The following NSRP1 variants were observed in gnomAD, a reference collection of about 807,000 sequenced individuals.
The protein encoded by NSRP1 is coiled-coil domain containing 55.
Under a neutral mutation model 54.7 loss-of-function variants are expected in NSRP1, and 24 were observed. The ratio of observed to expected loss-of-function variants is 0.44; its 90% CI spans 0.32 to 0.62. The LOEUF is 0.62. NSRP1 is among the 20% of genes least tolerant of loss of function. The pLI, the probability that NSRP1 is intolerant of heterozygous loss-of-function variation, is 0.06. For missense variants in NSRP1, 596 were observed against 651.2 expected (o/e 0.92, Z 0.92); for synonymous variants, 210 against 213.8 (o/e 0.98, Z 0.15).
intron 2 of NSRP1, among the ~76,000 whole-genome samples, chr17:30,129,736 A>T (rs2071682967): frequency 6.6e-6 from 1 of 152,182 alleles, no homozygotes; most frequent in Admixed American, 6.6e-5. Context: ...TTAATCAGAT[A>T]ATGCCTTACT....
At chr17:30,176,191 A>G (rs1425028384) in intron 3 of NSRP1, among the ~76,000 whole-genome samples, 1 of 151,368 alleles carries the variant, frequency 6.6e-6, no homozygotes, top group African/African-American at 2.4e-5. Context: ...GGATTTGTCT[A>G]TTTTTCCTTG....
chr17:30,148,420 A>T (rs1172515375), intron 2 of NSRP1, among the ~76,000 whole-genome samples: 1 of 152,204 alleles, frequency 6.6e-6, no homozygotes, highest in Non-Finnish European at 1.5e-5. Flanking sequence ...GAGGTGACAA[A>T]TGACATATTG....
intron 2 of NSRP1, among the ~76,000 whole-genome samples, chr17:30,155,866 GTC>G (rs1216643172): frequency 6.6e-6 from 1 of 151,656 alleles, no homozygotes; most frequent in Non-Finnish European, 1.5e-5. Context: ...TTGAGATGGA[GTC>G]TCAGTCTGTC....
At chr17:30,181,992 C>T (rs1367975074) in intron 6 of NSRP1, among the ~76,000 whole-genome samples, 2 of 150,204 alleles carry the variant, frequency 1.3e-5, no homozygotes, top group Non-Finnish European at 3.0e-5. Context: ...GATCCCCCCT[C>T]TATCTCAGCC....
At position 30,175,349 on chromosome 17, in the gene NSRP1, C is replaced by G. The variant is rs145546330; in HGVS notation, c.172-2722C>G. Among the ~76,000 whole-genome samples, 560 of 151,804 alleles carry G rather than the reference C, an allele frequency of 3.7e-3. 4 individuals are homozygous for G. The highest frequency in any genetic ancestry group is 0.028 in the Middle Eastern group (8 of 286). On this transcript the variant is annotated intron_variant, in intron 3 of 6. Transcript: ENST00000247026. ...GAACATAACGGAGGTTTTTGATTACCTTTTTGTTATTCATTCCTAATGTGA... is the reference window on the plus strand; with the variant it reads ...GAACATAACGGAGGTTTTTGATTACGTTTTTGTTATTCATTCCTAATGTGA...
chr17:30,122,997 T>C (rs28792710), intron 2 of NSRP1, among the ~76,000 whole-genome samples: 75,400 of 151,688 alleles, frequency 0.5, 19,275 homozygotes, highest in East Asian at 0.82. Flanking sequence ...ATTGGCCAGG[T>C]TGGTCTTGAA....
intron 2 of NSRP1, among the ~76,000 whole-genome samples, chr17:30,123,517 G>C (rs528484964): frequency 1.3e-5 from 2 of 152,208 alleles, no homozygotes; most frequent in African/African-American, 4.8e-5. Flanking sequence ...CCTGTTCTGT[G>C]GGTTGTCTGT....
chr17:30,181,796 G>C (rs1567808249), intron 6 of NSRP1, among the ~76,000 whole-genome samples: 1 of 151,968 alleles, frequency 6.6e-6, no homozygotes, highest in African/African-American at 2.4e-5. Flanking sequence ...TTTTAGTAGA[G>C]ATGGAGTTTC....
At chr17:30,135,042 A>G (rs1340801287) in intron 2 of NSRP1, among the ~76,000 whole-genome samples, 3 of 152,108 alleles carry the variant, frequency 2.0e-5, no homozygotes, top group Admixed American at 6.6e-5. Flanking sequence ...AGGGTTTTCA[A>G]TGGGTATGCT....
intron 2 of NSRP1, among the ~76,000 whole-genome samples, chr17:30,135,282 C>T (rs1002015098): frequency 1.3e-5 from 2 of 151,612 alleles, no homozygotes; most frequent in Admixed American, 6.6e-5. Flanking sequence ...CCATGCCCAG[C>T]TAATTTTTGT....
chr17:30,142,875 A>G (rs1365906734), intron 2 of NSRP1, among the ~76,000 whole-genome samples: 1 of 152,202 alleles, frequency 6.6e-6, no homozygotes, highest in Non-Finnish European at 1.5e-5. Flanking sequence ...ACGTACCATT[A>G]TATTAGAAAA....
At chr17:30,176,563 T>A (rs1349802791) in intron 3 of NSRP1, among the ~76,000 whole-genome samples, 1 of 142,920 alleles carries the variant, frequency 7.0e-6, no homozygotes, top group Admixed American at 7.3e-5. Context: ...CGAGCCAAGA[T>A]CCTACCACTG....
chr17:30,141,294 T>A (rs1290007431), intron 2 of NSRP1, among the ~76,000 whole-genome samples: 1 of 152,214 alleles, frequency 6.6e-6, no homozygotes, highest in African/African-American at 2.4e-5. Context: ...CAGTGCTGCA[T>A]TGAGTGCATG....
intron 2 of NSRP1, among the ~76,000 whole-genome samples, chr17:30,127,124 A>C (rs1294055517): frequency 6.6e-6 from 1 of 152,220 alleles, no homozygotes; most frequent in Non-Finnish European, 1.5e-5. Context: ...ATAGCCTACA[A>C]CTTGCTGACC....
chr17:30,181,145 TA>T lies in NSRP1; in HGVS notation c.617+131del, dbSNP rs1905278551. ...TATTGTGTTGTCAGCCAGCCTTACC[TA>T]ACTGAATGAATGGCTAGAAATTTGC... is the stretch of plus-strand genomic sequence containing the variant. On this transcript the variant is annotated intron_variant, in intron 6 of 6. Transcript: ENST00000247026. 5 of 646,788 alleles carry T rather than the reference TA, an allele frequency of 7.7e-6. No individual in the cohort carries two copies. The Admixed American group carries it at 1.4e-4, about 18-fold the overall frequency. 40.1% of individuals were successfully genotyped at this position (646,788 alleles called of 1,614,324 possible).
In NSRP1 at chr17:30,172,525, A is replaced by G. The variant is rs1904989686; in HGVS notation, c.115-17A>G. 1.9e-6 allele frequency: 3 copies of G among 1,590,528 alleles called. No homozygotes were observed. Among genetic ancestry groups the G allele is most frequent in the Non-Finnish European group, 2.6e-6 (3 of 1,168,338 alleles). On this transcript the variant is annotated splice_polypyrimidine_tract_variant and intron_variant, in intron 2 of 6. Transcript: ENST00000247026. ...TTAAATTTGTTTAAAAAGTGACAAT[A>G]TATTTCTGTTTTACAGACCTCTGTG...
intron 2 of NSRP1, among the ~76,000 whole-genome samples, chr17:30,126,962 T>G (rs1022479986): frequency 9.2e-5 from 14 of 152,228 alleles, no homozygotes; most frequent in Admixed American, 8.5e-4. Context: ...AAGATCCAGA[T>G]AGTAAATGTT....
intron 3 of NSRP1, among the ~76,000 whole-genome samples, chr17:30,176,152 G>A (rs1905120233): frequency 6.6e-6 from 1 of 151,484 alleles, no homozygotes; most frequent in Non-Finnish European, 1.5e-5. Flanking sequence ...TTACTGAGAG[G>A]CATATGTTAA....
At chr17:30,173,638 G>A (rs1176880997) in intron 3 of NSRP1, among the ~76,000 whole-genome samples, 1 of 152,144 alleles carries the variant, frequency 6.6e-6, no homozygotes, top group Non-Finnish European at 1.5e-5. Context: ...TATGTGCCAG[G>A]CATCATGACA....
Sources: gnomAD v4.1 joint callset for allele counts (sites outside exome capture counted in the v4.1 genomes callset) on GRCh38, gnomAD v4.1.1 for gene constraint, MANE v1.5 for transcripts, NCBI Gene and HGNC (gene_info 2026-07-23, HGNC 2026-07-21) for gene names.